The following DLGAP1 variants were observed in gnomAD, a reference collection of about 807,000 sequenced individuals.
DLGAP1 encodes the protein disks large-associated protein 1.
A neutral mutation model predicts 90.8 loss-of-function variants in DLGAP1; 11 were observed. The ratio of observed to expected loss-of-function variants is 0.12; its 90% confidence interval spans 0.08 to 0.20. The LOEUF (loss-of-function observed/expected upper bound fraction) is 0.20, where lower values mean the gene tolerates loss of function less well. Among genes scored for constraint, DLGAP1 ranks in the 10% least tolerant of loss-of-function variants. The pLI is 1.00. For synonymous variants in DLGAP1, 558 were observed against 540.7 expected (o/e 1.03, Z -0.44); for missense variants, 1,050 against 1,333.8 (o/e 0.79, Z 3.31).
At chr18:4,098,005 T>C (rs1221892762) in intron 2 of DLGAP1, among the ~76,000 whole-genome samples, 1 of 152,194 alleles carries the variant, frequency 6.6e-6, no homozygotes, top group Non-Finnish European at 1.5e-5. Context: ...CCTTGATCTC[T>C]GGGACTCAAT....
At chr18:3,796,919 T>C (rs1237254759) in intron 5 of DLGAP1, among the ~76,000 whole-genome samples, 1 of 152,202 alleles carries the variant, frequency 6.6e-6, no homozygotes, top group Non-Finnish European at 1.5e-5. Context: ...TCCTGATTCA[T>C]ATGTTGAGGC....
intron 10 of DLGAP1, among the ~76,000 whole-genome samples, chr18:3,528,955 G>A (rs2144367075): frequency 6.6e-6 from 1 of 152,318 alleles, no homozygotes; most frequent in South Asian, 2.1e-4. Flanking sequence ...CTAGCCACCT[G>A]TCCCACACGG....
At chr18:3,915,716 A>G (rs1440103125) in intron 3 of DLGAP1, among the ~76,000 whole-genome samples, 1 of 152,252 alleles carries the variant, frequency 6.6e-6, no homozygotes, top group Non-Finnish European at 1.5e-5. Context: ...AATATCAGTT[A>G]CATTTGGATG....
intron 4 of DLGAP1, among the ~76,000 whole-genome samples, chr18:3,869,612 T>G (rs1414864410): frequency 6.6e-6 from 1 of 152,220 alleles, no homozygotes; most frequent in African/African-American, 2.4e-5. Flanking sequence ...AGACGAAAGC[T>G]TTCTGCGTTT....
chr18:3,713,115 T>C (rs1598428660), intron 7 of DLGAP1, among the ~76,000 whole-genome samples: 1 of 152,358 alleles, frequency 6.6e-6, no homozygotes, highest in Non-Finnish European at 1.5e-5. Flanking sequence ...GGATAGACCC[T>C]GAACCACCAA....
At chr18:3,859,788 C>T (rs2069910437) in intron 4 of DLGAP1, among the ~76,000 whole-genome samples, 1 of 152,084 alleles carries the variant, frequency 6.6e-6, no homozygotes, top group African/African-American at 2.4e-5. Context: ...TTGTAACCTG[C>T]AGAACTGTAC....
chr18:3,991,018 G>A (rs1355540478), intron 3 of DLGAP1, among the ~76,000 whole-genome samples: 1 of 151,954 alleles, frequency 6.6e-6, no homozygotes, highest in Non-Finnish European at 1.5e-5. Context: ...GGTTCAAGGG[G>A]TACATGAGCA....
intron 7 of DLGAP1, among the ~76,000 whole-genome samples, chr18:3,624,972 C>T (rs1203040959): frequency 6.6e-6 from 1 of 152,134 alleles, no homozygotes; most frequent in Admixed American, 6.6e-5. Flanking sequence ...AGTCTACCTA[C>T]CACACACACA....
At chr18:3,542,763 T>C (rs752528592) in intron 9 of DLGAP1, among the ~76,000 whole-genome samples, 1 of 152,280 alleles carries the variant, frequency 6.6e-6, no homozygotes, top group Non-Finnish European at 1.5e-5. Flanking sequence ...GATGATTGCT[T>C]TATAAATTAT....
At chr18:4,072,818 A>G (rs1424295389) in intron 2 of DLGAP1, among the ~76,000 whole-genome samples, 1 of 152,216 alleles carries the variant, frequency 6.6e-6, no homozygotes, top group Non-Finnish European at 1.5e-5. Context: ...ATAGATAAGT[A>G]TTAACTCAAC....
intron 1 of DLGAP1, among the ~76,000 whole-genome samples, chr18:4,243,064 C>A (rs1376947731): frequency 6.6e-6 from 1 of 152,058 alleles, no homozygotes; most frequent in Non-Finnish European, 1.5e-5. Context: ...ACTCACCTGC[C>A]CTCTCACCGC....
At chr18:4,117,346 G>C (rs2076078744) in intron 2 of DLGAP1, among the ~76,000 whole-genome samples, 1 of 152,200 alleles carries the variant, frequency 6.6e-6, no homozygotes, top group Non-Finnish European at 1.5e-5. Flanking sequence ...TGCATGTCTT[G>C]TAATTGTTTC....
intron 1 of DLGAP1, among the ~76,000 whole-genome samples, chr18:4,449,144 G>A (rs2083750018): frequency 6.6e-6 from 1 of 152,186 alleles, no homozygotes; most frequent in Admixed American, 6.5e-5. Flanking sequence ...TGTAAGAGGT[G>A]AGGGGTAGGA....
chr18:4,238,589 A>G (rs1357271311), intron 1 of DLGAP1, among the ~76,000 whole-genome samples: 9 of 152,196 alleles, frequency 5.9e-5, no homozygotes. Flanking sequence ...CCTTCCTTCA[A>G]AAAACTTACT....
At chr18:3,744,268 A>G (rs1486874109) in intron 5 of DLGAP1, among the ~76,000 whole-genome samples, 1 of 152,218 alleles carries the variant, frequency 6.6e-6, no homozygotes, top group Non-Finnish European at 1.5e-5. Flanking sequence ...TCCTCAAGGT[A>G]GCTAGATACA....
intron 1 of DLGAP1, among the ~76,000 whole-genome samples, chr18:4,233,540 C>T (rs1433616243): frequency 2.0e-5 from 3 of 152,074 alleles, no homozygotes; most frequent in Non-Finnish European, 4.4e-5. Flanking sequence ...TTATTGTTAA[C>T]CTCGGCCTGG....
At chr18:3,974,074 TTTTTA>T (rs1406782052) in intron 3 of DLGAP1, among the ~76,000 whole-genome samples, 9 of 152,140 alleles carry the variant, frequency 5.9e-5, no homozygotes, top group Admixed American at 3.3e-4. Context: ...GTAAAGACAC[TTTTTA>T]TTTTTTTTTT....
chr18:4,276,093 T>C (rs2079406131), intron 1 of DLGAP1, among the ~76,000 whole-genome samples: 1 of 148,412 alleles, frequency 6.7e-6, no homozygotes, highest in Admixed American at 6.9e-5. Flanking sequence ...GGCTGAATGA[T>C]AGTTTTGTCT....
At chr18:4,327,994 T>C (rs1278680194) in intron 1 of DLGAP1, among the ~76,000 whole-genome samples, 1 of 151,976 alleles carries the variant, frequency 6.6e-6, no homozygotes, top group African/African-American at 2.4e-5. Flanking sequence ...AAAGACTGAA[T>C]TGTCATAAAT....
Sources: allele counts gnomAD v4.1 joint callset (sites outside exome capture counted in the v4.1 genomes callset), GRCh38; gene constraint gnomAD v4.1.1; transcripts MANE v1.5; gene names NCBI Gene and HGNC (gene_info 2026-07-23, HGNC 2026-07-21).